The following ARNT2 variants were observed in gnomAD, a reference collection of about 807,000 sequenced individuals.
The protein encoded by ARNT2 is aryl hydrocarbon receptor nuclear translocator 2.
In ARNT2, 36 loss-of-function variants were observed where a neutral mutation model predicts 91.7. The observed-to-expected ratio is 0.39, with a 90% CI of 0.30 to 0.52. ARNT2 has a LOEUF of 0.52. ARNT2 is among the 20% of genes least tolerant of loss of function. The probability of loss-of-function intolerance (pLI) is 0.72; values close to 1 mark genes in which losing one functional copy is unlikely to be tolerated. For synonymous variants in ARNT2, 365 were observed against 347.1 expected, an observed-to-expected ratio of 1.05 and a Z score of -0.57; for missense variants, 775 against 939.3, an observed-to-expected ratio of 0.83 and a Z score of 2.29.
rs1893279748 is a variant in ARNT2 at position 80,591,527 on chromosome 15, A to T, written c.1919-41A>T. ...TTCTTAGGTCTCACAGAACCACGGG[A>T]TGGCTTTTAAAGGAAGTGTCCTGTG... On this transcript the variant is annotated intron_variant, in intron 17 of 18. Coordinates refer to ENST00000303329, the MANE Select transcript of ARNT2 (RefSeq NM_014862.4). This position sits in a 1 kb window ranked among gnomAD's most constrained non-coding sequence, Gnocchi z 5.1. 6.2e-7 allele frequency: 1 copy of T among 1,610,664 alleles called. No homozygotes were observed. The highest frequency in any genetic ancestry group is 8.5e-7 in the Non-Finnish European group (1 of 1,177,322).
At chr15:80,520,604 C>A (rs1897527498) in intron 8 of ARNT2, among the ~76,000 whole-genome samples, 1 of 151,464 alleles carries the variant, frequency 6.6e-6, no homozygotes, top group South Asian at 2.1e-4. Flanking sequence ...AACAGACATA[C>A]AAAAGGAAAC....
chr15:80,467,968 C>G (rs1255700925), intron 3 of ARNT2, among the ~76,000 whole-genome samples: 3 of 152,190 alleles, frequency 2.0e-5, no homozygotes, highest in Non-Finnish European at 4.4e-5. Flanking sequence ...ACTCAACAAT[C>G]TCTAACCAAA....
chr15:80,423,776 C>CAG (rs3054951), intron 1 of ARNT2, among the ~76,000 whole-genome samples: 64,472 of 148,440 alleles, frequency 0.43, 14,561 homozygotes, highest in East Asian at 0.59. Flanking sequence ...GAGAAAGAGG[C>CAG]AGAGAGAGAG....
intron 11 of ARNT2, among the ~76,000 whole-genome samples, chr15:80,562,479 C>T (rs1406792069): frequency 6.6e-6 from 1 of 152,150 alleles, no homozygotes; most frequent in Non-Finnish European, 1.5e-5. Context: ...TCTTATGAGG[C>T]TCTTTCTGAA....
chr15:80,499,385 A>C (rs1485524646), intron 5 of ARNT2, among the ~76,000 whole-genome samples: 1 of 152,208 alleles, frequency 6.6e-6, no homozygotes, highest in African/African-American at 2.4e-5. Flanking sequence ...GTAAAGAGTT[A>C]ATTCCCTTGT....
intron 2 of ARNT2, among the ~76,000 whole-genome samples, chr15:80,451,453 A>C (rs1896388395): frequency 6.6e-6 from 1 of 151,494 alleles, no homozygotes; most frequent in Non-Finnish European, 1.5e-5. Flanking sequence ...AAGACCAGAC[A>C]GTTGGCATTG....
chr15:80,495,635 G>A lies in ARNT2; in HGVS notation c.623-12521G>A, dbSNP rs756844249. 2.6e-5 allele frequency among the ~76,000 whole-genome samples: 4 copies of A among 152,332 alleles called. No individual in the cohort carries two copies. The South Asian group carries it at 6.2e-4, about 24-fold the overall frequency. ...TCTCAAGTCTCTGGCTTTTCTGCCT[G>A]TGTGACAGATAGCAGAATCATTTTG... On this transcript the variant is annotated intron_variant, in intron 5 of 18. Coordinates refer to ENST00000303329, the MANE Select transcript of ARNT2 (RefSeq NM_014862.4).
intron 8 of ARNT2, among the ~76,000 whole-genome samples, chr15:80,541,257 C>T (rs1183850690): frequency 6.6e-6 from 1 of 152,104 alleles, no homozygotes; most frequent in East Asian, 1.9e-4. Context: ...AGCATTTTTT[C>T]ATGTGTCTGT....
At chr15:80,494,999 T>C (rs1036611738) in intron 5 of ARNT2, among the ~76,000 whole-genome samples, 3 of 152,188 alleles carry the variant, frequency 2.0e-5, no homozygotes, top group African/African-American at 4.8e-5. Flanking sequence ...ACAGACTGCT[T>C]GGCGGAAAGG....
At chr15:80,410,321 G>T (rs1026904229) in intron 1 of ARNT2, among the ~76,000 whole-genome samples, 1 of 152,170 alleles carries the variant, frequency 6.6e-6, no homozygotes, top group African/African-American at 2.4e-5. Context: ...TCATTGTAAG[G>T]AGTTAGGGGA....
At chr15:80,567,264 G>A (rs561611621) in intron 12 of ARNT2, among the ~76,000 whole-genome samples, 1 of 151,554 alleles carries the variant, frequency 6.6e-6, no homozygotes, top group African/African-American at 2.4e-5. Context: ...CCCAAAGGGA[G>A]AGGAGGAGGA....
At chr15:80,588,014 A>C (rs910215162) in intron 17 of ARNT2, among the ~76,000 whole-genome samples, 8 of 152,130 alleles carry the variant, frequency 5.3e-5, no homozygotes, top group African/African-American at 4.8e-5. Flanking sequence ...CTACTGTTGG[A>C]GGGAGATCAC....
chr15:80,563,529 GA>G (rs1898410158), intron 12 of ARNT2, among the ~76,000 whole-genome samples: 1 of 152,150 alleles, frequency 6.6e-6, no homozygotes, highest in African/African-American at 2.4e-5. Context: ...TCTTCCCCCT[GA>G]GCATGGACCT....
chr15:80,555,128 A>G lies in ARNT2; in HGVS notation c.1153A>G (p.Ser385Gly), dbSNP rs1898156026. ...HPEDQSHLRE[S>G]FQQVVKLKGQ... ...TGAGGATCAAAGCCATCTGCGTGAG[A>G]GCTTCCAGCAGGTACATACTGCCAG... The change falls in exon 11 of 19, where the codon AGC becomes GGC. Residue 385 changes from serine to glycine, a missense_variant. By Grantham distance (56) the Ser-to-Gly change is moderately conservative. This residue lies in a region of ARNT2 where 285 missense variants were observed against 327.2 expected (regional missense o/e 0.87). Coordinates refer to ENST00000303329, the MANE Select transcript of ARNT2 (RefSeq NM_014862.4). 2 of 1,614,210 alleles carry G rather than the reference A, an allele frequency of 1.2e-6. No individual in the cohort carries two copies. The highest frequency in any genetic ancestry group is 2.7e-5 in the African/African-American group (2 of 75,054).
intron 4 of ARNT2, among the ~76,000 whole-genome samples, chr15:80,474,625 A>G (rs918028322): frequency 2.6e-5 from 4 of 152,066 alleles, no homozygotes; most frequent in Non-Finnish European, 5.9e-5. Flanking sequence ...TTTTGTGCCA[A>G]GCACTATGTG....
rs184642147 is a variant in ARNT2, at chr15:80,593,705, C to T, written c.*7C>T. 2,841 of 1,595,572 alleles carry T rather than the reference C, an allele frequency of 1.8e-3. 7 individuals carry two copies. Among genetic ancestry groups the T allele is most frequent in the Non-Finnish European group, 2.2e-3 (2,562 of 1,168,546 alleles). On this transcript the variant is annotated 3_prime_UTR_variant, in exon 19 of 19. Transcript: ENST00000303329. ...TCCACCGTTTTCTGAGTAGCTGCGG[C>T]CAGAGTGAGGCTCCTGCTGTACAGT...
intron 5 of ARNT2, among the ~76,000 whole-genome samples, chr15:80,494,387 A>G (rs1261644483): frequency 6.6e-6 from 1 of 152,186 alleles, no homozygotes; most frequent in African/African-American, 2.4e-5. Context: ...GTCTCCTGGC[A>G]TATACTGGGC....
intron 5 of ARNT2, among the ~76,000 whole-genome samples, chr15:80,476,923 T>A (rs1313077644): frequency 6.6e-6 from 1 of 151,954 alleles, no homozygotes; most frequent in East Asian, 1.9e-4. Flanking sequence ...TGATGGGAGG[T>A]GATTGGATCA....
intron 6 of ARNT2, among the ~76,000 whole-genome samples, chr15:80,509,312 C>A (rs371697874): frequency 5.3e-5 from 8 of 151,994 alleles, no homozygotes; most frequent in Non-Finnish European, 1.0e-4. Context: ...TGTGGTGGCA[C>A]ACACCTGTAA....
Sources: gnomAD v4.1 joint callset for allele counts (sites outside exome capture counted in the v4.1 genomes callset) on GRCh38, gnomAD v4.1.1 for gene constraint, gnomAD v4.1.1 regional missense constraint, Gnocchi (gnomAD v3.1) non-coding constraint, MANE v1.5 for transcripts, NCBI Gene and HGNC (gene_info 2026-07-23, HGNC 2026-07-21) for gene names.